Variants in PLCZ1 observed in about 807,000 individuals in gnomAD.
PLCZ1 encodes phospholipase C zeta 1.
In PLCZ1, 64 loss-of-function variants were observed where a neutral mutation model predicts 76.8. That is an observed-to-expected ratio of 0.83 (90% CI 0.68 to 1.03). The LOEUF (loss-of-function observed/expected upper bound fraction) is 1.03. Among genes scored for constraint, PLCZ1 ranks in the 50% least tolerant of loss-of-function variants. PLCZ1 has a pLI of 0.00. For missense variants in PLCZ1, 751 were observed against 713.7 expected (o/e 1.05, Z -0.60); for synonymous variants, 248 against 230.8 (o/e 1.07, Z -0.68).
chr12:18,678,634 A>G (rs1032365814), downstream of PLCZ1, among the ~76,000 whole-genome samples: 2 of 152,014 alleles, frequency 1.3e-5, no homozygotes, highest in African/African-American at 4.8e-5. Context: ...ACATTCTTTC[A>G]TTCATTTTAA....
intron 10 of PLCZ1, among the ~76,000 whole-genome samples, chr12:18,698,252 A>G (rs1328501485): frequency 6.6e-6 from 1 of 150,716 alleles, no homozygotes; most frequent in Non-Finnish European, 1.5e-5. Context: ...CTTCTATTCT[A>G]TTCTATTCTA....
At chr12:18,678,819 G>A (rs1952175007), downstream of PLCZ1, among the ~76,000 whole-genome samples, 1 of 152,002 alleles carries the variant, frequency 6.6e-6, no homozygotes, top group African/African-American at 2.4e-5. Context: ...GGAAGCCTTT[G>A]TGTGGACATG....
chr12:18,699,769 A>G (rs1228745755), intron 10 of PLCZ1, 25 bp downstream of exon 10: 2 of 1,598,150 alleles, frequency 1.3e-6, no homozygotes, highest in Non-Finnish European at 1.7e-6. Context: ...TAAACATTTC[A>G]TCTATTTGAG....
At chr12:18,723,974 C>T (rs1958601687) in intron 3 of PLCZ1, among the ~76,000 whole-genome samples, 1 of 151,990 alleles carries the variant, frequency 6.6e-6, no homozygotes, top group Non-Finnish European at 1.5e-5. Flanking sequence ...TTATGCAATA[C>T]CTTGAGGAAG....
the PLCZ1 span, among the ~76,000 whole-genome samples, chr12:18,673,909 G>T: frequency 6.6e-6 from 1 of 152,178 alleles, no homozygotes. Flanking sequence ...TCATCATAGT[G>T]TGCAAGCCAA....
intron 2 of PLCZ1, among the ~76,000 whole-genome samples, chr12:18,736,983 A>G (rs1207299037): frequency 6.6e-6 from 1 of 152,150 alleles, no homozygotes; most frequent in Non-Finnish European, 1.5e-5. Flanking sequence ...TACTTATCAT[A>G]GATAAACTAC....
chr12:18,686,674 C>G (rs1180716701), intron 13 of PLCZ1, among the ~76,000 whole-genome samples: 1 of 152,036 alleles, frequency 6.6e-6, no homozygotes, highest in Non-Finnish European at 1.5e-5. Flanking sequence ...TCTTTGTACT[C>G]TTCTTGAAGC....
At chr12:18,688,268 T>A in intron 12 of PLCZ1, 50 bp from the exon 13 acceptor site, 1 of 1,540,298 alleles carries the variant, frequency 6.5e-7, no homozygotes, top group East Asian at 2.3e-5. Context: ...TTAAGTTACA[T>A]CACCATTTAT....
At chr12:18,651,037 A>G in the PLCZ1 span, among the ~76,000 whole-genome samples, 1 of 151,904 alleles carries the variant, frequency 6.6e-6, no homozygotes, top group South Asian at 2.1e-4. Flanking sequence ...GTAAAAGCCC[A>G]AGCCTTTAAA....
intron 6 of PLCZ1, among the ~76,000 whole-genome samples, chr12:18,709,628 T>A (rs1220009136): frequency 6.6e-6 from 1 of 152,058 alleles, no homozygotes; most frequent in Non-Finnish European, 1.5e-5. Flanking sequence ...ACACCTGTAA[T>A]CCCAGCACTT....
the PLCZ1 span, among the ~76,000 whole-genome samples, chr12:18,673,170 G>T: frequency 6.6e-6 from 1 of 152,074 alleles, no homozygotes; most frequent in Non-Finnish European, 1.5e-5. Context: ...TGTTTTTAAT[G>T]GTTAAATTGA....
At chr12:18,695,319 A>C (rs1954804119) in intron 11 of PLCZ1, among the ~76,000 whole-genome samples, 1 of 152,190 alleles carries the variant, frequency 6.6e-6, no homozygotes, top group Non-Finnish European at 1.5e-5. Context: ...TTGAGTAAAG[A>C]AATCAAAATG....
At chr12:18,689,101 T>A (rs896738336) in intron 12 of PLCZ1, among the ~76,000 whole-genome samples, 1 of 152,030 alleles carries the variant, frequency 6.6e-6, no homozygotes, top group African/African-American at 2.4e-5. Context: ...TGTTTAGCAA[T>A]CAGCATGGAA....
At chr12:18,682,826 T>C (rs115137441), downstream of PLCZ1, among the ~76,000 whole-genome samples, 2 of 152,022 alleles carry the variant, frequency 1.3e-5, no homozygotes, top group Admixed American at 6.6e-5. Context: ...ATCTAATTCC[T>C]TCCCACAAAA....
chr12:18,726,564 A>G (rs1228187652), intron 3 of PLCZ1, among the ~76,000 whole-genome samples: 3 of 152,172 alleles, frequency 2.0e-5, no homozygotes, highest in Admixed American at 2.0e-4. Context: ...AGGGAAAATA[A>G]AATTCAAAAT....
the PLCZ1 span, among the ~76,000 whole-genome samples, chr12:18,661,833 T>C: frequency 2.2e-4 from 34 of 152,056 alleles, no homozygotes; most frequent in African/African-American, 7.0e-4. Context: ...TGTAGAAATA[T>C]TCACAATAGC....
chr12:18,653,376 T>C, the PLCZ1 span, among the ~76,000 whole-genome samples: 2 of 152,190 alleles, frequency 1.3e-5, no homozygotes, highest in Non-Finnish European at 2.9e-5. Flanking sequence ...CAAATTTATG[T>C]ATATATTATT....
At chr12:18,645,670 A>G in the PLCZ1 span, among the ~76,000 whole-genome samples, 3 of 152,156 alleles carry the variant, frequency 2.0e-5, no homozygotes, top group African/African-American at 7.2e-5. Flanking sequence ...AATATGTTCC[A>G]GGCTTTGTAG....
chr12:18,670,259 A>C, the PLCZ1 span, among the ~76,000 whole-genome samples: 1 of 151,902 alleles, frequency 6.6e-6, no homozygotes, highest in Non-Finnish European at 1.5e-5. Flanking sequence ...AGATTGCTAC[A>C]TTTCTCCACA....
Sources: gnomAD v4.1 joint callset for allele counts (sites outside exome capture counted in the v4.1 genomes callset) on GRCh38, gnomAD v4.1.1 for gene constraint, MANE v1.5 for transcripts, NCBI Gene and HGNC (gene_info 2026-07-23, HGNC 2026-07-21) for gene names.